Variants in HEPHL1 observed in about 807,000 individuals in gnomAD.
The protein encoded by HEPHL1 is ferroxidase HEPHL1.
Under a neutral mutation model 122.0 loss-of-function variants are expected in HEPHL1, and 123 were observed. The ratio of observed to expected loss-of-function variants is 1.01; its 90% CI spans 0.87 to 1.17. The LOEUF is 1.17. Among genes scored for constraint, HEPHL1 ranks in the 50% most tolerant of loss-of-function variants. The pLI is 0.00. For missense variants in HEPHL1, 1,452 were observed against 1,430.5 expected (o/e 1.01, Z -0.24); for synonymous variants, 527 against 508.9 (o/e 1.04, Z -0.48).
intron 6 of HEPHL1, among the ~76,000 whole-genome samples, chr11:94,071,150 C>T (rs1423092132): frequency 6.6e-6 from 1 of 152,044 alleles, no homozygotes; most frequent in Non-Finnish European, 1.5e-5. Flanking sequence ...ATTAATCTAG[C>T]AATTTATTAG....
intron 12 of HEPHL1, among the ~76,000 whole-genome samples, chr11:94,090,850 C>A (rs184931012): frequency 1.3e-5 from 2 of 152,152 alleles, no homozygotes; most frequent in African/African-American, 4.8e-5. Flanking sequence ...CTGGTCAGCA[C>A]AGGCCCTCTG....
At chr11:94,072,077 G>A (rs982545) in intron 6 of HEPHL1, among the ~76,000 whole-genome samples, 88,289 of 151,918 alleles carry the variant, frequency 0.58, 25,778 homozygotes, top group East Asian at 0.69. Context: ...AATAACAATT[G>A]CCATTTTGGA....
At chr11:94,101,364 T>C in intron 14 of HEPHL1, 29 bp downstream of exon 14, 1 of 1,594,218 alleles carries the variant, frequency 6.3e-7, no homozygotes, top group Non-Finnish European at 8.6e-7. Context: ...CTGCTCCATC[T>C]TGAAGAAGAA....
chr11:94,044,514 G>A (rs1008373754), intron 1 of HEPHL1, among the ~76,000 whole-genome samples: 13 of 152,110 alleles, frequency 8.5e-5, no homozygotes, highest in Admixed American at 8.5e-4. Context: ...TCTCCAACCC[G>A]GAATTAAACT....
At position 94,023,762 on chromosome 11, in the gene HEPHL1, G is replaced by C. The variant is rs143538439; in HGVS notation, c.170+2224G>C. ...GGACAGAGTTTGTGTCAGACAGACT[G>C]CTACCTCTTGGAAGGGAAATCCAGG... On this transcript the variant is annotated intron_variant, in intron 1 of 19. Transcript: ENST00000315765. Among the ~76,000 whole-genome samples, 116 of 152,270 alleles carry C rather than the reference G, an allele frequency of 7.6e-4. 1 individual carries two copies. The highest frequency in any genetic ancestry group is 2.7e-3 in the African/African-American group (111 of 41,564).
At chr11:94,067,300 A>G (rs1946042145) in intron 4 of HEPHL1, among the ~76,000 whole-genome samples, 196 bp from the exon 5 acceptor site, 1 of 152,200 alleles carries the variant, frequency 6.6e-6, no homozygotes, top group Admixed American at 6.5e-5. Flanking sequence ...TTTTCTCTGG[A>G]AAAAGGCCAA....
rs1946462211 is a variant in HEPHL1, at chr11:94,112,822, CATT to C, written c.*929_*931del. On this transcript the variant is annotated 3_prime_UTR_variant, in exon 20 of 20. Transcript: ENST00000315765. Reference sequence around the variant, plus strand: ...GGCTTGAATTTGGAGTCTGATTTTTCATTCAGTTAGAGGGAATCTTTACAAGTC... The same window carrying C: ...GGCTTGAATTTGGAGTCTGATTTTTCCAGTTAGAGGGAATCTTTACAAGTC... The C allele has an allele frequency of 6.6e-6, 1 of 152,294 alleles. No individual in the cohort carries two copies. The highest frequency in any genetic ancestry group is 1.9e-4 in the East Asian group (1 of 5,174). The allele number at this position is 152,294 out of a possible 1,614,324, so 9.4% of individuals were successfully genotyped here.
In HEPHL1 at chr11:94,067,606, T is replaced by C. The variant is rs1360452019; in HGVS notation, c.919T>C (p.Tyr307His). 6.2e-7 allele frequency: 1 copy of C among 1,613,704 alleles called. No homozygotes were observed. Among genetic ancestry groups the C allele is most frequent in the African/African-American group, 1.3e-5 (1 of 74,906 alleles). The change falls in exon 5 of 20, where the codon TAT becomes CAT. Residue 307 changes from tyrosine (Y) to histidine (H), a missense_variant. Transcript: ENST00000315765. ...MGNEIDIHSI[Y>H]FYGNTFISRG... ...GAATGAAATAGACATCCATTCTATC[T>C]ATTTCTATGGTAACACCTTCATCAG...
intron 1 of HEPHL1, among the ~76,000 whole-genome samples, chr11:94,028,074 C>A (rs57687307): frequency 6.6e-6 from 1 of 152,188 alleles, no homozygotes; most frequent in Non-Finnish European, 1.5e-5. Context: ...TGACCACACT[C>A]TCTGCTAACA....
At chr11:94,080,971 A>G (rs564419985) in intron 9 of HEPHL1, among the ~76,000 whole-genome samples, 19 of 152,336 alleles carry the variant, frequency 1.2e-4, no homozygotes, top group Non-Finnish European at 2.2e-4. Context: ...AAATCATTCT[A>G]TCACAAAGAT....
At chr11:94,096,368 A>C (rs557100153) in intron 13 of HEPHL1, among the ~76,000 whole-genome samples, 1 of 152,364 alleles carries the variant, frequency 6.6e-6, no homozygotes, top group Admixed American at 6.5e-5. Flanking sequence ...CCAGGGATGA[A>C]GCCCACTTGA....
At chr11:94,108,461 G>A (rs1946425018) in intron 17 of HEPHL1, among the ~76,000 whole-genome samples, 1 of 151,902 alleles carries the variant, frequency 6.6e-6, no homozygotes, top group African/African-American at 2.4e-5. Flanking sequence ...TACTTTTGGT[G>A]TCATGTATAA....
At chr11:94,102,677 C>T (rs937693897) in intron 14 of HEPHL1, among the ~76,000 whole-genome samples, 9 of 152,054 alleles carry the variant, frequency 5.9e-5, no homozygotes, top group African/African-American at 2.2e-4. Flanking sequence ...CACCAGTTGA[C>T]AATAGAAAAA....
rs1555058775 is a variant in HEPHL1, at chr11:94,042,883, A to AAAAAAAAAAAACAAAC, written c.171-2780_171-2779insACAAACAAAAAAAAAA. Among the ~76,000 whole-genome samples the AAAAAAAAAAAACAAAC allele has an allele frequency of 2.1e-3, 277 of 132,396 alleles. 3 individuals are homozygous for AAAAAAAAAAAACAAAC. The highest frequency in any genetic ancestry group is 6.3e-3 in the African/African-American group (225 of 35,488). 86.9% of individuals were successfully genotyped at this position (132,396 alleles called of 152,430 possible). ...TAAAACTTAAAGTATAATAAAAAAA[A>AAAAAAAAAAAACAAAC]AAAAAAAAAACTGCATGAATTGCTC... On this transcript the variant is annotated intron_variant, in intron 1 of 19. Transcript: ENST00000315765.
intron 13 of HEPHL1, among the ~76,000 whole-genome samples, chr11:94,095,739 A>C (rs902302753): frequency 2.9e-4 from 44 of 152,302 alleles, no homozygotes; most frequent in Non-Finnish European, 6.2e-4. Context: ...GGTCCTTCAC[A>C]TCCCTTGTAA....
intron 9 of HEPHL1, among the ~76,000 whole-genome samples, chr11:94,077,464 C>A (rs532354319): frequency 1.3e-5 from 2 of 152,228 alleles, no homozygotes; most frequent in East Asian, 3.9e-4. Flanking sequence ...GCATGCAATG[C>A]ATAATAACCA....
rs780403869 is a variant in HEPHL1 at position 94,074,437 on chromosome 11, A to G, written c.1505-737A>G. Among the ~76,000 whole-genome samples the G allele has an allele frequency of 1.9e-4, 27 of 143,746 alleles. No individual in the cohort carries two copies. The South Asian group carries it at 3.3e-3, about 18-fold the overall frequency. The allele number at this position is 143,746 out of a possible 152,430, so 94.3% of individuals were successfully genotyped here. A position where few individuals can be genotyped will look rare whatever the true frequency, so the allele number is the denominator to read the frequency against. ...GCAAGACCTTGTCTCTTAAAAAAAT[A>G]AAAGAAAAAAATGCTCAGAATGACT... On this transcript the variant is annotated intron_variant, in intron 8 of 19. Coordinates refer to ENST00000315765, the MANE Select transcript of HEPHL1 (RefSeq NM_001098672.2).
intron 9 of HEPHL1, among the ~76,000 whole-genome samples, chr11:94,081,142 C>A (rs1255023708): frequency 6.6e-6 from 1 of 152,190 alleles, no homozygotes; most frequent in Non-Finnish European, 1.5e-5. Context: ...ATGTCCTTTG[C>A]AGGGACATGG....
rs1014345585 is a variant in HEPHL1, at chr11:94,111,742, A to G, written c.3328A>G (p.Thr1110Ala). ...LYFFGKNLGP[T>A]GAKAALVILF... is the part of the protein sequence containing the mutation. Reference sequence around the variant, plus strand: ...TTTCTTTGGCAAGAATCTGGGTCCAACAGGAGCCAAGGCAGCCTTGGTCAT... The same window carrying G: ...TTTCTTTGGCAAGAATCTGGGTCCAGCAGGAGCCAAGGCAGCCTTGGTCAT... The change falls in exon 20 of 20, where the codon ACA becomes GCA. Residue 1110 changes from threonine to alanine, a missense_variant. Thr to Ala is a moderately conservative substitution (Grantham distance 58). Coordinates refer to ENST00000315765, the MANE Select transcript of HEPHL1 (RefSeq NM_001098672.2). The G allele has an allele frequency of 1.9e-6, 3 of 1,605,900 alleles. No homozygotes were observed. Among genetic ancestry groups the G allele is most frequent in the Non-Finnish European group, 2.6e-6 (3 of 1,176,088 alleles).
Sources: allele counts gnomAD v4.1 joint callset (sites outside exome capture counted in the v4.1 genomes callset), GRCh38; gene constraint gnomAD v4.1.1; transcripts MANE v1.5; gene names NCBI Gene and HGNC (gene_info 2026-07-23, HGNC 2026-07-21).